Variants in CELSR1 observed in about 807,000 individuals in gnomAD.
The protein encoded by CELSR1 is cadherin EGF LAG seven-pass G-type receptor 1, also known as adhesion G protein-coupled receptor C1.
Under a neutral mutation model 249.1 loss-of-function variants are expected in CELSR1, and 110 were observed. The observed-to-expected ratio is 0.44, with a 90% CI of 0.38 to 0.52. CELSR1 has a LOEUF of 0.52. CELSR1 is among the 20% of genes least tolerant of loss of function. CELSR1 has a pLI of 0.00. For missense variants in CELSR1, 4,109 were observed against 4,296.4 expected (o/e 0.96, Z 1.22); for synonymous variants, 2,113 against 1,900.0 (o/e 1.11, Z -2.92).
chr22:46,452,226 T>C (rs901239748), intron 2 of CELSR1, among the ~76,000 whole-genome samples: 4 of 152,018 alleles, frequency 2.6e-5, no homozygotes, highest in African/African-American at 9.7e-5. Flanking sequence ...CCAGGGTCAA[T>C]CTCCTGAGGA....
intron 2 of CELSR1, among the ~76,000 whole-genome samples, chr22:46,443,816 G>A (rs576026444): frequency 6.6e-5 from 10 of 152,230 alleles, no homozygotes; most frequent in Non-Finnish European, 1.2e-4. Context: ...GTGCGTTCAC[G>A]GGAGGTGTGA....
In CELSR1 at chr22:46,381,985, T is replaced by G. The variant is rs1328872060; in HGVS notation, c.6949A>C (p.Thr2317Pro). 2 of 1,566,068 alleles carry G rather than the reference T, an allele frequency of 1.3e-6. No homozygotes were observed. The highest frequency in any genetic ancestry group is 3.7e-5 in the Admixed American group (2 of 54,276). ...CTGCTGATCGGGGCCTCCCTCTCGGTGCCAGGCCCCGGGCGCGTGGTCTGC... is the reference window on the plus strand; with the variant it reads ...CTGCTGATCGGGGCCTCCCTCTCGGGGCCAGGCCCCGGGCGCGTGGTCTGC... ...TPQTTRPGPG[T>P]EREAPISRRR... Residue 2317 changes from threonine to proline, a missense_variant, in exon 21 of 35, where the codon ACC becomes CCC. Physicochemically the swap from Thr to Pro is conservative, Grantham distance 38. Transcript: ENST00000674500. The surrounding 1 kb of genome is among the most constrained non-coding windows in gnomAD (Gnocchi z 6.0).
In CELSR1 at chr22:46,454,017, T is replaced by C. The variant is rs565939736; in HGVS notation, c.4183+9690A>G. On this transcript the variant is annotated intron_variant, in intron 2 of 34. Coordinates refer to ENST00000674500, the MANE Select transcript of CELSR1 (RefSeq NM_001378328.1). The surrounding 1 kb of genome is among the most constrained non-coding windows in gnomAD (Gnocchi z 5.1). ...GCCTAAGGGACTTTGCAGATGTGAT[T>C]AAGGATCTTGAGACGGGGCAGTCAT... Among the ~76,000 whole-genome samples the C allele has an allele frequency of 1.3e-5, 2 of 152,330 alleles. No individual in the cohort carries two copies. Among genetic ancestry groups the C allele is most frequent in the East Asian group, 1.9e-4 (1 of 5,178 alleles).
In CELSR1 at chr22:46,534,562, G is replaced by A. The variant is rs770798141; in HGVS notation, c.2609C>T (p.Pro870Leu). ...TAGGGTGGTGGTGTCTGATTTCTGC[G>A]GGATGCCGTTGTCCTGGGCCATGAT... ...LTIMAQDNGIPQKSDTTTLEI... is the reference protein window; with the variant it reads ...LTIMAQDNGILQKSDTTTLEI... Residue 870 changes from proline (P) to leucine (L), a missense_variant, in exon 1 of 35, where the codon CCG (proline) becomes CTG (leucine). Physicochemically the swap from Pro to Leu is moderately conservative, Grantham distance 98. Around this residue, in one of 7 missense-constraint regions of CELSR1, gnomAD observed 886 missense variants for 896.5 expected, o/e 0.99. Transcript: ENST00000674500. This position sits in a 1 kb window ranked among gnomAD's most constrained non-coding sequence, Gnocchi z 9.7. 68 of 1,613,738 alleles carry A rather than the reference G, an allele frequency of 4.2e-5. No homozygotes were observed. The highest frequency in any genetic ancestry group is 1.1e-4 in the East Asian group (5 of 44,886).
At chr22:46,476,819 C>G (rs1286427961) in intron 1 of CELSR1, among the ~76,000 whole-genome samples, 1 of 150,608 alleles carries the variant, frequency 6.6e-6, no homozygotes, top group East Asian at 2.0e-4. Context: ...GGGGCTTTCT[C>G]AGGTGATGAG....
chr22:46,422,562 G>A (rs1014898352), intron 5 of CELSR1, among the ~76,000 whole-genome samples: 148 of 150,348 alleles, frequency 9.8e-4, no homozygotes, highest in African/African-American at 3.2e-3. Context: ...GTGAAACCCC[G>A]TCTCTACTAA....
intron 5 of CELSR1, among the ~76,000 whole-genome samples, chr22:46,432,258 T>C (rs1359543953): frequency 6.6e-6 from 1 of 152,108 alleles, no homozygotes; most frequent in Non-Finnish European, 1.5e-5. Context: ...TGAAAGCCAG[T>C]GGAGGCGACA....
rs72436813 is a variant in CELSR1 at position 46,491,637 on chromosome 22, C to CT, written c.3545-27293dup. Among the ~76,000 whole-genome samples the CT allele has an allele frequency of 7.3e-4, 100 of 136,244 alleles. 1 individual carries two copies. Among genetic ancestry groups the CT allele is most frequent in the South Asian group, 6.6e-3 (26 of 3,956 alleles). The allele number at this position is 136,244 out of a possible 152,430, so 89.4% of individuals were successfully genotyped here. On this transcript the variant is annotated intron_variant, in intron 1 of 34. Coordinates refer to ENST00000674500, the MANE Select transcript of CELSR1 (RefSeq NM_001378328.1). Reference sequence around the variant, plus strand: ...AACATAGTCTCTATTCTCTCTCTCTCTTTTTTTTTTTTTTTTAGACAGGGT... The same window carrying CT: ...AACATAGTCTCTATTCTCTCTCTCTCTTTTTTTTTTTTTTTTTAGACAGGGT...
intron 1 of CELSR1, among the ~76,000 whole-genome samples, chr22:46,483,731 C>T (rs2080289223): frequency 6.6e-6 from 1 of 152,116 alleles, no homozygotes; most frequent in Non-Finnish European, 1.5e-5. Flanking sequence ...CAGAAAGGCT[C>T]AGGAACTGTG....
At position 46,468,593 on chromosome 22, in the gene CELSR1, C is replaced by T. The variant is rs1191252174; in HGVS notation, c.3545-4248G>A. ...GCAGAAAGTAGAATGATGGGTGCCA[C>T]GGGTGGGGAGGCAGATTGGGGAGCT... On this transcript the variant is annotated intron_variant, in intron 1 of 34. Coordinates refer to ENST00000674500, the MANE Select transcript of CELSR1 (RefSeq NM_001378328.1). The surrounding 1 kb of genome is among the most constrained non-coding windows in gnomAD (Gnocchi z 4.5). Among the ~76,000 whole-genome samples, 5 of 151,866 alleles carry T rather than the reference C, an allele frequency of 3.3e-5. No individual in the cohort carries two copies. Among genetic ancestry groups the T allele is most frequent in the South Asian group, 2.1e-4 (1 of 4,808 alleles).
chr22:46,485,677 C>A (rs2080305946), intron 1 of CELSR1, among the ~76,000 whole-genome samples: 2 of 152,238 alleles, frequency 1.3e-5, no homozygotes, highest in South Asian at 4.1e-4. Flanking sequence ...CCATCCACAC[C>A]TGTGCTGTCT....
chr22:46,449,942 T>A (rs1400442081), intron 2 of CELSR1, among the ~76,000 whole-genome samples: 2 of 108,200 alleles, frequency 1.8e-5, no homozygotes, highest in Non-Finnish European at 3.9e-5. Flanking sequence ...TCACACACAC[T>A]CACATGCACG....
Position 46,394,136 on chromosome 22 carries a change from C to A in CELSR1, c.5964+6G>T, listed in dbSNP as rs774012373. On this transcript the variant is annotated splice_donor_region_variant and intron_variant, in intron 14 of 34. Transcript: ENST00000674500. ...GCATGCAGGGATCATGGGGGCGGGG[C>A]CTCACCTTGCATTGGCACTGGCCGT... is the stretch of plus-strand genomic sequence containing the variant. The A allele has an allele frequency of 2.5e-6, 4 of 1,612,948 alleles. No individual in the cohort carries two copies. Among genetic ancestry groups the A allele is most frequent in the South Asian group, 1.1e-5 (1 of 90,948 alleles).
chr22:46,493,834 TG>T (rs2080390219), intron 1 of CELSR1, among the ~76,000 whole-genome samples: 1 of 152,144 alleles, frequency 6.6e-6, no homozygotes, highest in South Asian at 2.1e-4. Flanking sequence ...CCACCATGAT[TG>T]TGAGGCCTCC....
chr22:46,475,922 T>C (rs988644775), intron 1 of CELSR1, among the ~76,000 whole-genome samples: 2 of 152,104 alleles, frequency 1.3e-5, no homozygotes, highest in Non-Finnish European at 2.9e-5. Flanking sequence ...TGGAACCTTC[T>C]GGAAGCCTGA....
Position 46,533,923 on chromosome 22 carries a change from C to A in CELSR1, c.3248G>T (p.Ser1083Ile). The A allele has an allele frequency of 6.2e-7, 1 of 1,613,110 alleles. No homozygotes were observed. Among genetic ancestry groups the A allele is most frequent in the Non-Finnish European group, 8.5e-7 (1 of 1,180,014 alleles). Reference protein sequence around the residue: ...VVQATSAPLVSRATVHILLVD... With the variant: ...VVQATSAPLVIRATVHILLVD... The stretch of plus-strand genomic sequence containing the variant: ...GAGAAGGATGTGCACCGTGGCTCGG[C>A]TCACCAGCGGAGCCGACGTGGCCTG... The change falls in exon 1 of 35, where the codon AGC (serine) becomes ATC (isoleucine). Residue 1083 changes from serine (S) to isoleucine (I), a missense_variant. Ser to Ile is a moderately radical substitution (Grantham distance 142, BLOSUM62 -2). Coordinates refer to ENST00000674500, the MANE Select transcript of CELSR1 (RefSeq NM_001378328.1).
rs1198408626 is a variant in CELSR1 at position 46,437,039 on chromosome 22, AAAG to A, written c.4407-753_4407-751del. Among the ~76,000 whole-genome samples the A allele has an allele frequency of 1.3e-5, 2 of 152,242 alleles. No individual in the cohort carries two copies. The highest frequency in any genetic ancestry group is 2.9e-5 in the Non-Finnish European group (2 of 68,044). On this transcript the variant is annotated intron_variant, in intron 3 of 34. Coordinates refer to ENST00000674500, the MANE Select transcript of CELSR1 (RefSeq NM_001378328.1). The surrounding 1 kb of genome is among the most constrained non-coding windows in gnomAD (Gnocchi z 4.9). ...CATTCCCTGCTGCATTCCAGAACCC[AAAG>A]AAGATCTGGTCCATATCAGTGCTTA...
rs1363308468 is a variant in CELSR1, at chr22:46,369,647, T to G, written c.7872+45A>C. 1.9e-6 allele frequency: 3 copies of G among 1,566,852 alleles called. No individual in the cohort carries two copies. The Admixed American group carries it at 5.0e-5, about 26-fold the overall frequency. ...AACCCAGAACAGCCCTTCCAGCTCA[T>G]GCATGTTTGGGGCACCCGGACTCCC... On this transcript the variant is annotated intron_variant, in intron 26 of 34. Transcript: ENST00000674500.
At chr22:46,386,856 G>A (rs989529911) in intron 18 of CELSR1, among the ~76,000 whole-genome samples, 14 of 152,004 alleles carry the variant, frequency 9.2e-5, no homozygotes, top group African/African-American at 2.9e-4. Context: ...TGGGTTCAAG[G>A]AATTCTCTTG....
Sources: gnomAD v4.1 joint callset for allele counts (sites outside exome capture counted in the v4.1 genomes callset) on GRCh38, gnomAD v4.1.1 for gene constraint, gnomAD v4.1.1 regional missense constraint, Gnocchi (gnomAD v3.1) non-coding constraint, MANE v1.5 for transcripts, NCBI Gene and HGNC (gene_info 2026-07-23, HGNC 2026-07-21) for gene names.